The following FBXW10B variants were observed in gnomAD, a reference collection of about 807,000 sequenced individuals.
FBXW10B encodes the protein F-box and WD repeat domain containing protein 10B.
the FBXW10B span, chr17:15,612,663 G>A: frequency 2.2e-5 from 36 of 1,613,350 alleles, no homozygotes; most frequent in Middle Eastern, 1.7e-4. Context: ...AGAATGAGAC[G>A]CTCACAGCTA....
the FBXW10B span, among the ~76,000 whole-genome samples, chr17:15,610,666 G>A: frequency 6.6e-6 from 1 of 152,134 alleles, no homozygotes; most frequent in Non-Finnish European, 1.5e-5. Flanking sequence ...CATGAGACTA[G>A]AAAGGGACCT....
At chr17:15,584,745 T>C in the FBXW10B span, among the ~76,000 whole-genome samples, 2 of 152,192 alleles carry the variant, frequency 1.3e-5, no homozygotes, top group Non-Finnish European at 2.9e-5. Flanking sequence ...CCTACCCAGT[T>C]TTCATTCATG....
the FBXW10B span, among the ~76,000 whole-genome samples, chr17:15,616,799 G>A: frequency 1.5e-5 from 2 of 130,482 alleles, no homozygotes; most frequent in African/African-American, 6.0e-5. Flanking sequence ...GCAACAGAGT[G>A]AGACTCTGTC....
the FBXW10B span, among the ~76,000 whole-genome samples, chr17:15,593,035 G>A: frequency 4.9e-5 from 7 of 141,530 alleles, no homozygotes; most frequent in Non-Finnish European, 9.1e-5. Flanking sequence ...CCCGAGAGGC[G>A]GAGGTTGCAG....
the FBXW10B span, chr17:15,612,874 G>C: frequency 6.3e-7 from 1 of 1,598,034 alleles, no homozygotes; most frequent in South Asian, 1.1e-5. Context: ...GGCTTCTCTT[G>C]GCTCCAACTC....
chr17:15,612,274 G>A, the FBXW10B span, among the ~76,000 whole-genome samples: 8 of 152,088 alleles, frequency 5.3e-5, no homozygotes, highest in East Asian at 3.9e-4. Context: ...TTGGGAGGCC[G>A]AGGCGGGCGG....
the FBXW10B span, among the ~76,000 whole-genome samples, chr17:15,584,822 C>G: frequency 6.6e-6 from 1 of 152,168 alleles, no homozygotes; most frequent in East Asian, 1.9e-4. Flanking sequence ...CAACAAAGGT[C>G]AGAAACTAAA....
chr17:15,582,806 T>C, the FBXW10B span, among the ~76,000 whole-genome samples: 1 of 152,000 alleles, frequency 6.6e-6, no homozygotes. Context: ...CAAAGAGCCG[T>C]TCAGTGGGAG....
the FBXW10B span, chr17:15,571,698 A>C: frequency 3.3e-5 from 5 of 152,248 alleles, no homozygotes; most frequent in Non-Finnish European, 7.3e-5. Context: ...AGATCTGTAC[A>C]TGAATATTAG....
the FBXW10B span, chr17:15,569,012 G>C: frequency 5.8e-6 from 7 of 1,212,110 alleles, no homozygotes; most frequent in East Asian, 2.2e-4. Context: ...CTGGCAGATA[G>C]GTCTTCCGTA....
At chr17:15,572,738 G>A in the FBXW10B span, 6 of 151,364 alleles carry the variant, frequency 4.0e-5, no homozygotes, top group Non-Finnish European at 5.9e-5. Flanking sequence ...GGGAACGTAC[G>A]GTGGCCAGAG....
the FBXW10B span, among the ~76,000 whole-genome samples, chr17:15,616,832 A>AAAG: frequency 6.8e-4 from 95 of 139,012 alleles, no homozygotes; most frequent in Non-Finnish European, 1.1e-3. Context: ...AAAAAAAAAA[A>AAAG]AAGAAGAAGG....
the FBXW10B span, among the ~76,000 whole-genome samples, chr17:15,609,707 T>C: frequency 2.6e-5 from 4 of 152,114 alleles, no homozygotes; most frequent in Non-Finnish European, 5.9e-5. Context: ...TTTATACTCA[T>C]GCTATTACTC....
At chr17:15,566,010 G>C in the FBXW10B span, 1 of 1,610,868 alleles carries the variant, frequency 6.2e-7, no homozygotes. Context: ...AGATCTTCAA[G>C]TTGGGCTGCA....
chr17:15,567,865 A>C, the FBXW10B span, among the ~76,000 whole-genome samples: 68,540 of 152,088 alleles, frequency 0.45, 17,410 homozygotes, highest in Non-Finnish European at 0.58. Context: ...TTGCTTTAAA[A>C]TATAATACTT....
chr17:15,576,161 A>G, the FBXW10B span, among the ~76,000 whole-genome samples: 23 of 152,106 alleles, frequency 1.5e-4, no homozygotes, highest in Non-Finnish European at 2.2e-4. Context: ...TCAGACTTAT[A>G]TTTTTAAGGT....
the FBXW10B span, among the ~76,000 whole-genome samples, chr17:15,586,446 G>A: frequency 6.6e-6 from 1 of 151,536 alleles, no homozygotes; most frequent in Non-Finnish European, 1.5e-5. Context: ...TCAAACTGAT[G>A]TCTTATCCTC....
chr17:15,611,767 G>C, the FBXW10B span, among the ~76,000 whole-genome samples: 1 of 144,110 alleles, frequency 6.9e-6, no homozygotes, highest in African/African-American at 2.5e-5. Flanking sequence ...TTAAGCAGGT[G>C]GGGGGGCGCA....
chr17:15,585,136 T>A, the FBXW10B span, among the ~76,000 whole-genome samples: 1 of 151,868 alleles, frequency 6.6e-6, no homozygotes, highest in Non-Finnish European at 1.5e-5. Flanking sequence ...AAGAACAACA[T>A]TATAATATGT....
Sources: gnomAD v4.1 joint callset for allele counts (sites outside exome capture counted in the v4.1 genomes callset) on GRCh38, gnomAD v4.1.1 for gene constraint, MANE v1.5 for transcripts, NCBI Gene and HGNC (gene_info 2026-07-23, HGNC 2026-07-21) for gene names.